The following UNC13C variants were observed in gnomAD, a reference collection of about 807,000 sequenced individuals.
The protein encoded by UNC13C is unc-13 homolog C.
A neutral mutation model predicts 245.4 loss-of-function variants in UNC13C; 174 were observed. That is an observed-to-expected ratio of 0.71 (90% CI 0.63 to 0.80). The LOEUF (loss-of-function observed/expected upper bound fraction) is 0.80, where lower values mean the gene tolerates loss of function less well. Ranked by LOEUF, UNC13C falls within the 30% of genes least tolerant of loss-of-function variation. The pLI is 0.00. For missense variants in UNC13C, 2,829 were observed against 2,602.9 expected, an observed-to-expected ratio of 1.09 and a Z score of -1.89; for synonymous variants, 992 against 895.1, an observed-to-expected ratio of 1.11 and a Z score of -1.93.
At chr15:54,628,725 T>G (rs1901358557), downstream of UNC13C, 1 of 152,186 alleles carries the variant, frequency 6.6e-6, no homozygotes, top group Non-Finnish European at 1.5e-5. Context: ...GGTTCTAACA[T>G]CTCATTAAAA....
intron 19 of UNC13C, among the ~76,000 whole-genome samples, chr15:54,448,957 C>CA (rs1890997287): frequency 6.6e-6 from 1 of 152,132 alleles, no homozygotes. Context: ...GGAGCTCTTG[C>CA]AGGGCAGGCC....
intron 2 of UNC13C, among the ~76,000 whole-genome samples, chr15:54,065,846 C>T (rs1428128922): frequency 1.3e-5 from 2 of 152,152 alleles, no homozygotes; most frequent in Non-Finnish European, 2.9e-5. Context: ...CTGCTATCCT[C>T]GTTGCTGAAT....
rs946486385 is a variant in UNC13C, at chr15:54,014,236, A to C, written c.1333A>C (p.Asn445His). Reference protein sequence around the residue: ...STPEPKIKKNNWQSPDDSDED... With the variant: ...STPEPKIKKNHWQSPDDSDED... Reference sequence around the variant, plus strand: ...TCCAGAGCCAAAAATCAAGAAGAACAATTGGCAGTCACCTGATGACAGTGA... The same window carrying C: ...TCCAGAGCCAAAAATCAAGAAGAACCATTGGCAGTCACCTGATGACAGTGA... The change falls in exon 2 of 33, where the codon AAT (asparagine) becomes CAT (histidine). Residue 445 changes from asparagine (N) to histidine (H), a missense_variant. Coordinates refer to ENST00000260323, the MANE Select transcript of UNC13C (RefSeq NM_001080534.3). 3.1e-6 allele frequency: 5 copies of C among 1,613,794 alleles called. No individual in the cohort carries two copies. In the Admixed American group the frequency reaches 5.0e-5, roughly 16 times the overall value.
chr15:54,228,960 A>T (rs1298000514), intron 4 of UNC13C, among the ~76,000 whole-genome samples: 1 of 152,132 alleles, frequency 6.6e-6, no homozygotes, highest in Non-Finnish European at 1.5e-5. Context: ...TTTCAAGTTT[A>T]TTTAGGACCC....
intron 20 of UNC13C, among the ~76,000 whole-genome samples, chr15:54,496,394 C>A (rs1251077278): frequency 1.3e-5 from 2 of 151,848 alleles, no homozygotes; most frequent in African/African-American, 4.8e-5. Flanking sequence ...GGTGAAGATT[C>A]CTTAAAGAAC....
At chr15:54,042,859 GAAAAAGAAAA>G (rs1023786309) in intron 2 of UNC13C, among the ~76,000 whole-genome samples, 1 of 53,808 alleles carries the variant, frequency 1.9e-5, no homozygotes, top group Non-Finnish European at 5.7e-5. Flanking sequence ...TCTCAGAAAA[GAAAAAGAAAA>G]AGAAAAAGAA....
At chr15:54,067,972 C>T (rs1342009454) in intron 2 of UNC13C, among the ~76,000 whole-genome samples, 1 of 152,136 alleles carries the variant, frequency 6.6e-6, no homozygotes, top group Non-Finnish European at 1.5e-5. Context: ...CAACAAATAA[C>T]TTACACTTGC....
At chr15:53,970,904 T>C in the UNC13C span, among the ~76,000 whole-genome samples, 18 of 152,334 alleles carry the variant, frequency 1.2e-4, no homozygotes, top group Admixed American at 9.8e-4. Context: ...GTATGTTTAT[T>C]CTATTTTTGA....
intron 30 of UNC13C, among the ~76,000 whole-genome samples, chr15:54,582,113 A>C (rs1487595089): frequency 1.3e-5 from 2 of 152,154 alleles, no homozygotes; most frequent in Non-Finnish European, 2.9e-5. Context: ...GACGGGAAAG[A>C]AGAAGGCCTT....
intron 14 of UNC13C, among the ~76,000 whole-genome samples, chr15:54,331,549 T>C (rs1277353290): frequency 6.6e-6 from 1 of 152,104 alleles, no homozygotes; most frequent in Non-Finnish European, 1.5e-5. Flanking sequence ...AAAGAAAATA[T>C]TTTTTCCAAT....
intron 4 of UNC13C, among the ~76,000 whole-genome samples, chr15:54,226,801 C>T (rs889275324): frequency 6.6e-6 from 1 of 152,278 alleles, no homozygotes. Flanking sequence ...GCGCTGTAGG[C>T]ACCTGTGTCT....
intron 19 of UNC13C, among the ~76,000 whole-genome samples, chr15:54,444,787 T>C (rs1890715724): frequency 6.6e-6 from 1 of 151,524 alleles, no homozygotes; most frequent in South Asian, 2.1e-4. Flanking sequence ...CTTAAGAGTT[T>C]ATTTTTTATA....
intron 8 of UNC13C, among the ~76,000 whole-genome samples, chr15:54,250,749 C>CTTTCTTTCT (rs1475632016): frequency 3.4e-5 from 3 of 88,868 alleles, no homozygotes; most frequent in Non-Finnish European, 6.7e-5. Flanking sequence ...TTCTTTCTTT[C>CTTTCTTTCT]TTTTTTTTTT....
chr15:54,198,327 GA>G (rs1245691264), intron 4 of UNC13C, among the ~76,000 whole-genome samples: 2 of 152,048 alleles, frequency 1.3e-5, no homozygotes, highest in Non-Finnish European at 2.9e-5. Context: ...GCCCCTAGGG[GA>G]AGTTTGCATC....
At chr15:54,026,642 T>G (rs1896121114) in intron 2 of UNC13C, among the ~76,000 whole-genome samples, 1 of 152,198 alleles carries the variant, frequency 6.6e-6, no homozygotes. Flanking sequence ...AATTAATATA[T>G]CATCCCAAGT....
chr15:54,264,475 A>G (rs535441398), intron 9 of UNC13C, 80 bp downstream of exon 9: 1 of 1,073,256 alleles, frequency 9.3e-7, no homozygotes, highest in Non-Finnish European at 1.3e-6. Flanking sequence ...AATAATAATT[A>G]TAGGTAAAAT....
intron 14 of UNC13C, among the ~76,000 whole-genome samples, chr15:54,325,617 G>A (rs1312798812): frequency 6.6e-6 from 1 of 151,464 alleles, no homozygotes; most frequent in African/African-American, 2.4e-5. Flanking sequence ...GCATCCATAT[G>A]TTCTCATTGT....
At chr15:54,385,798 G>T (rs1210083588) in intron 17 of UNC13C, among the ~76,000 whole-genome samples, 1 of 151,854 alleles carries the variant, frequency 6.6e-6, no homozygotes, top group African/African-American at 2.4e-5. Context: ...CTCTATGCGT[G>T]CAAGGAACAC....
the UNC13C span, among the ~76,000 whole-genome samples, chr15:53,869,766 G>C: frequency 6.6e-6 from 1 of 151,942 alleles, no homozygotes; most frequent in South Asian, 2.1e-4. Flanking sequence ...ATTCAGTATA[G>C]ATTAAATGAC....
Sources: allele counts gnomAD v4.1 joint callset (sites outside exome capture counted in the v4.1 genomes callset), GRCh38; gene constraint gnomAD v4.1.1; transcripts MANE v1.5; gene names NCBI Gene and HGNC (gene_info 2026-07-23, HGNC 2026-07-21).